Variants in ETV6 observed in about 807,000 individuals in gnomAD.
ETV6 encodes the protein transcription factor ETV6.
A neutral mutation model predicts 51.1 loss-of-function variants in ETV6; 16 were observed. The ratio of observed to expected loss-of-function variants is 0.31; its 90% CI spans 0.21 to 0.48. ETV6 has a LOEUF of 0.48. Ranked by LOEUF, ETV6 falls within the 20% of genes least tolerant of loss-of-function variation. The probability of loss-of-function intolerance (pLI) is 0.99; values close to 1 mark genes in which losing one functional copy is unlikely to be tolerated. For synonymous variants in ETV6, 240 were observed against 224.1 expected (o/e 1.07, Z -0.64); for missense variants, 458 against 594.8 (o/e 0.77, Z 2.39).
intron 1 of ETV6, among the ~76,000 whole-genome samples, chr12:11,748,097 T>G (rs1865940719): frequency 6.6e-6 from 1 of 152,220 alleles, no homozygotes; most frequent in Non-Finnish European, 1.5e-5. Flanking sequence ...TTGTCACTGG[T>G]GCCTGCTGTT....
intron 2 of ETV6, among the ~76,000 whole-genome samples, chr12:11,794,692 C>T (rs1591678859): frequency 6.6e-6 from 1 of 152,116 alleles, no homozygotes; most frequent in Admixed American, 6.5e-5. Flanking sequence ...GCAAGATAAA[C>T]CAGTCATTTC....
chr12:11,845,848 C>T (rs1433693385), intron 3 of ETV6, among the ~76,000 whole-genome samples: 16 of 151,924 alleles, frequency 1.1e-4, no homozygotes, highest in Non-Finnish European at 2.4e-4. Context: ...AAAAATCAGC[C>T]GGGCGTGGTG....
Position 11,870,207 on chromosome 12 carries a change from G to A in ETV6, c.1009+238G>A, listed in dbSNP as rs539304602. Among the ~76,000 whole-genome samples the A allele has an allele frequency of 8.5e-5, 13 of 152,190 alleles. No homozygotes were observed. In the East Asian group the frequency reaches 1.7e-3, roughly 20 times the overall value. On this transcript the variant is annotated intron_variant, in intron 5 of 7. Transcript: ENST00000396373. ...AAATGTTAAGAAACAAATGTCCTACGTCCAGCTTACAAGGAGAGTCACATC... is the reference window on the plus strand; with the variant it reads ...AAATGTTAAGAAACAAATGTCCTACATCCAGCTTACAAGGAGAGTCACATC...
At chr12:11,665,865 C>T (rs1864185017) in intron 1 of ETV6, among the ~76,000 whole-genome samples, 1 of 152,238 alleles carries the variant, frequency 6.6e-6, no homozygotes, top group South Asian at 2.1e-4. Context: ...CTCTCCTTCT[C>T]AGTTGCCTAC....
chr12:11,680,945 G>A (rs1364654459), intron 1 of ETV6, among the ~76,000 whole-genome samples: 4 of 152,148 alleles, frequency 2.6e-5, no homozygotes, highest in African/African-American at 9.7e-5. Context: ...TTGGATCCCA[G>A]GGTAGACAAG....
intron 2 of ETV6, among the ~76,000 whole-genome samples, chr12:11,814,769 G>A (rs762134950): frequency 2.0e-5 from 3 of 152,158 alleles, no homozygotes; most frequent in African/African-American, 7.2e-5. Context: ...GAAATTAAAA[G>A]GGTACAGATG....
chr12:11,771,650 C>G (rs1945242846), intron 2 of ETV6, among the ~76,000 whole-genome samples: 1 of 151,992 alleles, frequency 6.6e-6, no homozygotes, highest in African/African-American at 2.4e-5. Context: ...AGGAAGAAAT[C>G]AAGAAATATG....
At chr12:11,685,434 T>C (rs1565485385) in intron 1 of ETV6, among the ~76,000 whole-genome samples, 1 of 151,978 alleles carries the variant, frequency 6.6e-6, no homozygotes, top group Non-Finnish European at 1.5e-5. Flanking sequence ...ATAACAGAGC[T>C]CTATTTTCTG....
intron 2 of ETV6, among the ~76,000 whole-genome samples, chr12:11,799,238 A>T (rs1945715166): frequency 6.6e-6 from 1 of 152,228 alleles, no homozygotes; most frequent in African/African-American, 2.4e-5. Flanking sequence ...CAAGTGAACT[A>T]GATGTCTAGT....
intron 1 of ETV6, among the ~76,000 whole-genome samples, chr12:11,651,563 A>G (rs949559127): frequency 3.9e-5 from 6 of 152,218 alleles, no homozygotes; most frequent in African/African-American, 9.7e-5. Flanking sequence ...TGGAGGTAGC[A>G]GTATGTATGT....
intron 2 of ETV6, among the ~76,000 whole-genome samples, chr12:11,774,908 G>A (rs575914543): frequency 6.6e-5 from 10 of 152,298 alleles, no homozygotes; most frequent in Admixed American, 3.3e-4. Flanking sequence ...CCGTAGCCCC[G>A]GGGTCAGGCA....
intron 1 of ETV6, among the ~76,000 whole-genome samples, chr12:11,747,768 T>G: frequency 6.6e-6 from 1 of 152,232 alleles, no homozygotes; most frequent in East Asian, 1.9e-4. Flanking sequence ...TAGAAAACTC[T>G]AGAGCTCAAA....
rs540303517 is a variant in ETV6 at position 11,671,046 on chromosome 12, G to A, written c.33+20886G>A. Reference sequence around the variant, plus strand: ...AATAACCCAAACCTTAAAGGTTCCTGGGGCTTTCTTTTTCCCTAGACAGGG... The same window carrying A: ...AATAACCCAAACCTTAAAGGTTCCTAGGGCTTTCTTTTTCCCTAGACAGGG... On this transcript the variant is annotated intron_variant, in intron 1 of 7. Coordinates refer to ENST00000396373, the MANE Select transcript of ETV6 (RefSeq NM_001987.5). 1.4e-4 allele frequency among the ~76,000 whole-genome samples: 22 copies of A among 152,240 alleles called. No homozygotes were observed. In the East Asian group the frequency reaches 3.3e-3, roughly 23 times the overall value.
chr12:11,791,515 G>T (rs1230381469), intron 2 of ETV6, among the ~76,000 whole-genome samples: 2 of 152,194 alleles, frequency 1.3e-5, no homozygotes, highest in Non-Finnish European at 2.9e-5. Context: ...AGTCACACGT[G>T]TGGCCCATAA....
intron 2 of ETV6, among the ~76,000 whole-genome samples, chr12:11,761,129 C>A (rs975341209): frequency 1.3e-5 from 2 of 152,108 alleles, no homozygotes; most frequent in African/African-American, 4.8e-5. Flanking sequence ...CCACTTCACC[C>A]TATTACTCTT....
At chr12:11,883,185 C>T (rs1947126909) in intron 5 of ETV6, among the ~76,000 whole-genome samples, 1 of 151,338 alleles carries the variant, frequency 6.6e-6, no homozygotes, top group Admixed American at 6.6e-5. Flanking sequence ...CCAGCTGCCT[C>T]TCCAGGTTCT....
At position 11,885,908 on chromosome 12, in the gene ETV6, C is replaced by A; in HGVS notation, c.1153-18C>A. ...TGTCTTTGTGCTTTTTTTCTCCCTT[C>A]CTCCTTTGAACAAACAGAACAGAAC... On this transcript the variant is annotated intron_variant, in intron 6 of 7. Coordinates refer to ENST00000396373, the MANE Select transcript of ETV6 (RefSeq NM_001987.5). 1 of 1,585,020 alleles carries A rather than the reference C, an allele frequency of 6.3e-7. No individual in the cohort carries two copies. Among genetic ancestry groups the A allele is most frequent in the Non-Finnish European group, 8.6e-7 (1 of 1,157,294 alleles).
At chr12:11,756,022 A>G (rs1294647288) in intron 2 of ETV6, among the ~76,000 whole-genome samples, 2 of 152,222 alleles carry the variant, frequency 1.3e-5, no homozygotes, top group Middle Eastern at 3.2e-3. Flanking sequence ...GTTTCTCACC[A>G]TTTTATTCTG....
intron 1 of ETV6, among the ~76,000 whole-genome samples, chr12:11,669,800 C>A (rs1166129288): frequency 6.6e-6 from 1 of 152,100 alleles, no homozygotes; most frequent in East Asian, 1.9e-4. Context: ...TATATTCATT[C>A]GTATTCCCAA....
Sources: allele counts gnomAD v4.1 joint callset (sites outside exome capture counted in the v4.1 genomes callset), GRCh38; gene constraint gnomAD v4.1.1; transcripts MANE v1.5; gene names NCBI Gene and HGNC (gene_info 2026-07-23, HGNC 2026-07-21).